The following AKNA variants were observed in gnomAD, a reference collection of about 807,000 sequenced individuals.
AKNA encodes AT-hook transcription factor.
A neutral mutation model predicts 138.8 loss-of-function variants in AKNA; 67 were observed. The ratio of observed to expected loss-of-function variants is 0.48; its 90% CI spans 0.40 to 0.59. The LOEUF (loss-of-function observed/expected upper bound fraction) is 0.59, where lower values mean the gene tolerates loss of function less well. AKNA is among the 20% of genes least tolerant of loss of function. The pLI, the probability that AKNA is intolerant of heterozygous loss-of-function variation, is 0.00. For synonymous variants in AKNA, 737 were observed against 754.4 expected (o/e 0.98, Z 0.38); for missense variants, 1,813 against 1,880.4 (o/e 0.96, Z 0.66).
chr9:114,350,996 C>T lies in AKNA; in HGVS notation c.3084G>A (p.Gly1028=). The stretch of plus-strand genomic sequence containing the variant: ...GGGGCTGTTCAGAAATCCGTTTGTG[C>T]CCCTCAAACTCTGAGCCAGGAACCG... ...EMAVPGSEFE[G]HKRISEQPLP... is the part of the protein sequence containing the mutation. Residue 1028 remains glycine, a synonymous_variant, in exon 15 of 22, where the codon GGG becomes GGA. Coordinates refer to ENST00000374088, the MANE Select transcript of AKNA (RefSeq NM_001317950.2). The T allele has an allele frequency of 6.2e-7, 1 of 1,613,516 alleles. No individual in the cohort carries two copies. The highest frequency in any genetic ancestry group is 8.5e-7 in the Non-Finnish European group (1 of 1,179,882).
chr9:114,381,280 G>C lies in AKNA; in HGVS notation c.54C>G (p.Gly18=). 2 of 1,612,202 alleles carry C rather than the reference G, an allele frequency of 1.2e-6. No homozygotes were observed. The change falls in exon 2 of 22, where the codon GGC becomes GGG. Residue 18 remains glycine (G), a synonymous_variant. Transcript: ENST00000374088. ...IRWAEPGLGK[G]PQRRRWAWAE... is the part of the protein sequence containing the mutation. ...CCCAGGCCCAGCGCCGCCGCTGGGG[G>C]CCCTTCCCCAGGCCAGGCTCAGCCC...
rs368545317 is a variant in AKNA at position 114,355,975 on chromosome 9, C to T, written c.3008G>A (p.Arg1003Gln). ...CAGGCTGAAGTTGGGTGCCCTCTGC[C>T]GGAGAGGCCCACTTGGGCTGGAGAG... ...RYLSSPSGPL[R>Q]QRAPNFSLER... is the part of the protein sequence containing the mutation. Residue 1003 changes from arginine to glutamine, a missense_variant, in exon 14 of 22, where the codon CGG becomes CAG. Coordinates refer to ENST00000374088, the MANE Select transcript of AKNA (RefSeq NM_001317950.2). 9.9e-6 allele frequency: 16 copies of T among 1,614,084 alleles called. No individual in the cohort carries two copies. The highest frequency in any genetic ancestry group is 5.0e-5 in the Admixed American group (3 of 60,004).
At chr9:114,374,528 A>G (rs757487588) in intron 3 of AKNA, among the ~76,000 whole-genome samples, 13 of 152,226 alleles carry the variant, frequency 8.5e-5, no homozygotes, top group South Asian at 2.1e-4. Flanking sequence ...TGAGGCCCAT[A>G]TCTTTCTTTC....
At chr9:114,381,585 T>C in intron 1 of AKNA, 139 bp from the exon 2 acceptor site, 1 of 752,974 alleles carries the variant, frequency 1.3e-6, no homozygotes, top group Non-Finnish European at 1.8e-6. Flanking sequence ...TGTGTCACCT[T>C]GGGCAAGTCA....
chr9:114,381,662 T>TTC (rs1175406846), intron 1 of AKNA, among the ~76,000 whole-genome samples: 45 of 134,674 alleles, frequency 3.3e-4, no homozygotes, highest in African/African-American at 1.1e-3. Flanking sequence ...AGGGTTTTTT[T>TTC]TTTTTTTTTT....
intron 2 of AKNA, 24 bp downstream of exon 2, chr9:114,381,036 T>C (rs1441665796): frequency 2.0e-6 from 3 of 1,491,542 alleles, no homozygotes; most frequent in South Asian, 1.4e-5. Flanking sequence ...GACACCACTG[T>C]AGGGGGAGGG....
chr9:114,393,316 T>C (rs994241973), intron 1 of AKNA, among the ~76,000 whole-genome samples: 1 of 151,188 alleles, frequency 6.6e-6, no homozygotes, highest in Non-Finnish European at 1.5e-5. Context: ...CCCGGGTTCA[T>C]GCCATTCTCC....
chr9:114,342,189 A>T, intron 19 of AKNA, 64 bp from the exon 20 acceptor site: 1 of 1,239,152 alleles, frequency 8.1e-7, no homozygotes, highest in Non-Finnish European at 1.1e-6. Flanking sequence ...AGGAGCCCCC[A>T]TGCAGGCCTT....
intron 14 of AKNA, among the ~76,000 whole-genome samples, chr9:114,355,033 C>T (rs1198818431): frequency 1.3e-5 from 2 of 151,702 alleles, no homozygotes; most frequent in Non-Finnish European, 2.9e-5. Context: ...AGCCACCACA[C>T]CTGGCTAATT....
Position 114,357,995 on chromosome 9 carries a change from T to C in AKNA, c.2665A>G (p.Ser889Gly). The C allele has an allele frequency of 6.2e-7, 1 of 1,606,758 alleles. No individual in the cohort carries two copies. The highest frequency in any genetic ancestry group is 8.5e-7 in the Non-Finnish European group (1 of 1,175,666). Residue 889 changes from serine to glycine, a missense_variant, in exon 12 of 22, where the codon AGC (serine) becomes GGC (glycine). Coordinates refer to ENST00000374088, the MANE Select transcript of AKNA (RefSeq NM_001317950.2). ...TCAGAGATGCCGCTTCCCTCCAGGC[T>C]GGTCATACTACTTTGGTGGGATGCT... is the stretch of plus-strand genomic sequence containing the variant. ...SAASHQSSMT[S>G]LEGSGISERL...
chr9:114,375,874 C>T lies in AKNA; in HGVS notation c.1341+592G>A, dbSNP rs1479281310. On this transcript the variant is annotated intron_variant, in intron 3 of 21. Coordinates refer to ENST00000374088, the MANE Select transcript of AKNA (RefSeq NM_001317950.2). ...ATCACTGGTCTTTTTGAGCAAAGGG[C>T]TTGGGTGTATCTCAGGGCTCCAGGT... is the stretch of plus-strand genomic sequence containing the variant. The T allele has an allele frequency of 7.0e-6, 3 of 427,668 alleles. No homozygotes were observed. The Admixed American group carries it at 7.5e-5, about 11-fold the overall frequency. 26.5% of individuals were successfully genotyped at this position (427,668 alleles called of 1,614,324 possible).
rs915575582 is a variant in AKNA at position 114,359,535 on chromosome 9, T to C, written c.2492+59A>G. ...GCTGTCTTATTCACTCTGACAGTGATCATCCCTGTGGTTTTAGGGTGGAAA... is the reference window on the plus strand; with the variant it reads ...GCTGTCTTATTCACTCTGACAGTGACCATCCCTGTGGTTTTAGGGTGGAAA... On this transcript the variant is annotated intron_variant, in intron 11 of 21. Coordinates refer to ENST00000374088, the MANE Select transcript of AKNA (RefSeq NM_001317950.2). The C allele has an allele frequency of 1.7e-5, 28 of 1,613,000 alleles. No individual in the cohort carries two copies. In the Admixed American group the frequency reaches 4.7e-4, roughly 27 times the overall value.
chr9:114,348,707 G>A (rs1830880852), intron 15 of AKNA, among the ~76,000 whole-genome samples: 1 of 152,196 alleles, frequency 6.6e-6, no homozygotes, highest in Admixed American at 6.5e-5. Context: ...GTCTTGTTTT[G>A]TGGGCATTGC....
intron 6 of AKNA, among the ~76,000 whole-genome samples, chr9:114,365,049 T>C (rs1287959274): frequency 6.6e-6 from 1 of 152,192 alleles, no homozygotes; most frequent in Non-Finnish European, 1.5e-5. Context: ...TACAGGGCAA[T>C]GTTTACGGTA....
chr9:114,350,754 T>G, intron 15 of AKNA, 105 bp downstream of exon 15: 1 of 1,319,004 alleles, frequency 7.6e-7, no homozygotes, highest in Non-Finnish European at 1.0e-6. Context: ...ACCACCACCA[T>G]CTGTGTGAGC....
At chr9:114,365,133 A>G (rs926715335) in intron 6 of AKNA, among the ~76,000 whole-genome samples, 1 of 152,056 alleles carries the variant, frequency 6.6e-6, no homozygotes, top group Non-Finnish European at 1.5e-5. Flanking sequence ...ACGATATACT[A>G]TCTCTAGAGG....
chr9:114,355,392 G>A (rs555691030), intron 14 of AKNA, among the ~76,000 whole-genome samples: 201 of 151,186 alleles, frequency 1.3e-3, no homozygotes, highest in African/African-American at 4.2e-3. Flanking sequence ...GGCCAGGCTC[G>A]TCTCGAACTC....
chr9:114,361,351 C>T (rs1419883635), intron 9 of AKNA, among the ~76,000 whole-genome samples: 1 of 152,216 alleles, frequency 6.6e-6, no homozygotes, highest in Non-Finnish European at 1.5e-5. Flanking sequence ...GGGAAAGCTT[C>T]TCTGACCTCC....
intron 1 of AKNA, among the ~76,000 whole-genome samples, chr9:114,384,218 C>T (rs931737922): frequency 2.0e-4 from 31 of 152,122 alleles, no homozygotes; most frequent in African/African-American, 5.1e-4. Context: ...GAACACATCA[C>T]GCTAATATAT....
Sources: allele counts gnomAD v4.1 joint callset (sites outside exome capture counted in the v4.1 genomes callset), GRCh38; gene constraint gnomAD v4.1.1; transcripts MANE v1.5; gene names NCBI Gene and HGNC (gene_info 2026-07-23, HGNC 2026-07-21).